The following ANGPTL1 variants were observed in gnomAD, a reference collection of about 807,000 sequenced individuals.
The protein encoded by ANGPTL1 is angiopoietin like 1.
In ANGPTL1, 36 loss-of-function variants were observed where a neutral mutation model predicts 46.7. The observed-to-expected ratio is 0.77, with a 90% CI of 0.59 to 1.02. The LOEUF (loss-of-function observed/expected upper bound fraction) is 1.02. ANGPTL1 is among the 50% of genes least tolerant of loss of function. The probability of loss-of-function intolerance (pLI) is 0.00; values close to 1 mark genes in which losing one functional copy is unlikely to be tolerated. For missense variants in ANGPTL1, 571 were observed against 594.7 expected (o/e 0.96, Z 0.41); for synonymous variants, 221 against 204.3 (o/e 1.08, Z -0.69).
At chr1:178,853,342 A>G (rs1473109621) in intron 4 of ANGPTL1, among the ~76,000 whole-genome samples, 1 of 152,170 alleles carries the variant, frequency 6.6e-6, no homozygotes, top group African/African-American at 2.4e-5. Flanking sequence ...TAATCTTTGT[A>G]AAGTAGTAAG....
rs1308708459 is a variant in ANGPTL1, at chr1:178,851,256, A to G, written c.1349T>C (p.Leu450Pro). Residue 450 changes from leucine to proline, a missense_variant, in exon 6 of 6, where the codon CTA becomes CCA. Physicochemically the swap from Leu to Pro is moderately conservative, Grantham distance 98. Coordinates refer to ENST00000234816, the MANE Select transcript of ANGPTL1 (RefSeq NM_004673.4). ...WWYNACAHSN[L>P]NGVWYRGGHY... ...GCCTCCTCTGTACCATACTCCATTT[A>G]GGTTAGAATGTGCACAGGCATTGTA... 6.2e-7 allele frequency: 1 copy of G among 1,613,922 alleles called. No individual in the cohort carries two copies.
In ANGPTL1 at chr1:178,865,622, GT is replaced by G. The variant is rs1374584103; in HGVS notation, c.154del (p.Thr52HisfsTer9). On this transcript the variant is annotated frameshift_variant, in exon 3 of 6. Coordinates refer to ENST00000234816, the MANE Select transcript of ANGPTL1 (RefSeq NM_004673.4). LOFTEE classifies it high-confidence loss of function. ...GKEEAKKCAY[T>X]FLVPEQRITG... Reference sequence around the variant, plus strand: ...TATTCTTTGTTCAGGTACCAGGAATGTGTATGCACATTTCTTTGCTTCCTCT... The same window carrying G: ...TATTCTTTGTTCAGGTACCAGGAATGGTATGCACATTTCTTTGCTTCCTCT... 6.2e-7 allele frequency: 1 copy of G among 1,614,014 alleles called. No homozygotes were observed. Among genetic ancestry groups the G allele is most frequent in the Non-Finnish European group, 8.5e-7 (1 of 1,179,954 alleles).
chr1:178,861,372 A>G (rs1657997036), intron 3 of ANGPTL1, among the ~76,000 whole-genome samples: 1 of 152,150 alleles, frequency 6.6e-6, no homozygotes, highest in Non-Finnish European at 1.5e-5. Context: ...CCATGTTTTC[A>G]TTAAAACAAA....
chr1:178,866,375 A>C (rs1232380191), intron 2 of ANGPTL1, among the ~76,000 whole-genome samples: 1 of 152,196 alleles, frequency 6.6e-6, no homozygotes, highest in African/African-American at 2.4e-5. Flanking sequence ...AGGGAAATCT[A>C]AACCCAGATA....
intron 5 of ANGPTL1, 61 bp from the exon 6 acceptor site, chr1:178,851,377 T>C (rs1455324049): frequency 1.4e-6 from 2 of 1,423,786 alleles, no homozygotes; most frequent in Non-Finnish European, 1.9e-6. Flanking sequence ...TACTCTGCAA[T>C]CATAAAAAAC....
In ANGPTL1 at chr1:178,853,800, TATC is replaced by T. The variant is rs769065262; in HGVS notation, c.824-16_824-14del. 1 of 1,526,256 alleles carries T rather than the reference TATC, an allele frequency of 6.6e-7. No individual in the cohort carries two copies. The highest frequency in any genetic ancestry group is 8.8e-7 in the Non-Finnish European group (1 of 1,139,842). The allele number at this position is 1,526,256 out of a possible 1,614,324, so 94.5% of individuals were successfully genotyped here. A position where few individuals can be genotyped will look rare whatever the true frequency, so the allele number is the denominator to read the frequency against. ...TCTTTGAATGGTCCTATAATTTAAATATCATTTATTATCAGCAAACTTAATATG... is the reference window on the plus strand; with the variant it reads ...TCTTTGAATGGTCCTATAATTTAAATATTTATTATCAGCAAACTTAATATG... On this transcript the variant is annotated splice_polypyrimidine_tract_variant and intron_variant, in intron 3 of 5. Transcript: ENST00000234816.
chr1:178,852,362 A>G (rs756745282), intron 5 of ANGPTL1, among the ~76,000 whole-genome samples: 11 of 152,148 alleles, frequency 7.2e-5, no homozygotes, highest in Non-Finnish European at 1.5e-4. Flanking sequence ...AGCACCTACA[A>G]CAGTGCCTGG....
At chr1:178,867,334 A>G (rs989969466) in intron 2 of ANGPTL1, among the ~76,000 whole-genome samples, 1 of 152,144 alleles carries the variant, frequency 6.6e-6, no homozygotes, top group Non-Finnish European at 1.5e-5. Context: ...AGAGTCACAC[A>G]GGTTCATAGT....
chr1:178,853,913 T>C, intron 3 of ANGPTL1, 126 bp from the exon 4 acceptor site: 1 of 560,226 alleles, frequency 1.8e-6, no homozygotes, highest in Non-Finnish European at 2.8e-6. Flanking sequence ...ATATATACAA[T>C]ATTATAAAAT....
intron 3 of ANGPTL1, among the ~76,000 whole-genome samples, chr1:178,864,736 T>C (rs1453524878): frequency 6.6e-6 from 1 of 152,148 alleles, no homozygotes; most frequent in African/African-American, 2.4e-5. Flanking sequence ...CTGGTTTTTT[T>C]CACAGAATAC....
intron 3 of ANGPTL1, among the ~76,000 whole-genome samples, chr1:178,859,993 T>A: frequency 6.6e-6 from 1 of 151,904 alleles, no homozygotes; most frequent in Non-Finnish European, 1.5e-5. Flanking sequence ...CTTCTACCTG[T>A]ACCCCCTCAT....
rs1283931468 is a variant in ANGPTL1 at position 178,865,213 on chromosome 1, G to T, written c.564C>A (p.Asn188Lys). 10 of 1,613,928 alleles carry T rather than the reference G, an allele frequency of 6.2e-6. No individual in the cohort carries two copies. The highest frequency in any genetic ancestry group is 2.7e-5 in the African/African-American group (2 of 74,894). Residue 188 changes from asparagine to lysine, a missense_variant, in exon 3 of 6, where the codon AAC becomes AAA. Asn to Lys is a moderately conservative substitution (Grantham distance 94). Coordinates refer to ENST00000234816, the MANE Select transcript of ANGPTL1 (RefSeq NM_004673.4). Reference protein sequence around the residue: ...KYASLTDLVNNQSVMITLLEE... With the variant: ...KYASLTDLVNKQSVMITLLEE... ...CCAACAAAGTGATCATCACAGATTG[G>T]TTATTGACAAGATCAGTCAAGGAAG...
chr1:178,863,563 A>G (rs947629600), intron 3 of ANGPTL1, among the ~76,000 whole-genome samples: 2 of 152,202 alleles, frequency 1.3e-5, no homozygotes, highest in African/African-American at 4.8e-5. Flanking sequence ...AAGCTGAAAG[A>G]AGGTGTTTCA....
At chr1:178,861,106 A>C (rs1301723166) in intron 3 of ANGPTL1, among the ~76,000 whole-genome samples, 1 of 152,358 alleles carries the variant, frequency 6.6e-6, no homozygotes, top group Middle Eastern at 3.4e-3. Context: ...GACTTACCCA[A>C]GGTCACATAA....
At chr1:178,867,774 C>G (rs187382669) in intron 2 of ANGPTL1, among the ~76,000 whole-genome samples, 3 of 151,804 alleles carry the variant, frequency 2.0e-5, no homozygotes, top group Non-Finnish European at 2.9e-5. Context: ...TGTATGTATT[C>G]TGTCAGCTGA....
In ANGPTL1 at chr1:178,864,941, A is replaced by G; in HGVS notation, c.823+13T>C. The stretch of plus-strand genomic sequence containing the variant: ...CCTCATACTCCCACTTTTTACAGTA[A>G]GAGGTAACTCACCTTCATTGATGAA... On this transcript the variant is annotated intron_variant, in intron 3 of 5. Coordinates refer to ENST00000234816, the MANE Select transcript of ANGPTL1 (RefSeq NM_004673.4). The G allele has an allele frequency of 1.4e-6, 2 of 1,424,012 alleles. No homozygotes were observed. Among genetic ancestry groups the G allele is most frequent in the Non-Finnish European group, 1.8e-6 (2 of 1,086,026 alleles). The allele number at this position is 1,424,012 out of a possible 1,614,324, so 88.2% of individuals were successfully genotyped here.
chr1:178,859,866 G>T (rs112200229), intron 3 of ANGPTL1, among the ~76,000 whole-genome samples: 1 of 112,690 alleles, frequency 8.9e-6, no homozygotes, highest in African/African-American at 3.4e-5. Context: ...ACAGGCGCCC[G>T]CCACCACGCC....
intron 3 of ANGPTL1, among the ~76,000 whole-genome samples, chr1:178,860,316 G>A (rs1657914442): frequency 6.6e-6 from 1 of 152,056 alleles, no homozygotes; most frequent in Non-Finnish European, 1.5e-5. Context: ...AGAGAAGAAG[G>A]TAATGTGTTT....
rs776036822 is a variant in ANGPTL1, at chr1:178,865,450, A to G, written c.327T>C (p.Asp109=). 1.7e-5 allele frequency: 28 copies of G among 1,613,902 alleles called. No individual in the cohort carries two copies. The highest frequency in any genetic ancestry group is 2.2e-5 in the Non-Finnish European group (26 of 1,180,004). Residue 109 remains aspartate (D), a synonymous_variant, in exon 3 of 6, where the codon GAT becomes GAC. Transcript: ENST00000234816. ...GCTTTACCTCATTCACAATGTTTCC[A>G]TCTACATCCACCACCAGTTGCAGAA... ...IDVLQLVVDV[D]GNIVNEVKLL...
Sources: gnomAD v4.1 joint callset for allele counts (sites outside exome capture counted in the v4.1 genomes callset) on GRCh38, gnomAD v4.1.1 for gene constraint, MANE v1.5 for transcripts, NCBI Gene and HGNC (gene_info 2026-07-23, HGNC 2026-07-21) for gene names.